Variants in OR51B5 observed in about 807,000 individuals in gnomAD.
The protein encoded by OR51B5 is olfactory receptor 51B5.
For synonymous variants in OR51B5, 186 were observed against 144.8 expected (o/e 1.28, Z -2.04); for missense variants, 456 against 374.6 (o/e 1.22, Z -1.79).
chr11:5,368,631 T>C lies in OR51B5; in HGVS notation n.85-21721A>G, dbSNP rs576071138. Among the ~76,000 whole-genome samples, 4 of 151,382 alleles carry C rather than the reference T, an allele frequency of 2.6e-5. No homozygotes were observed. In the East Asian group the frequency reaches 7.7e-4, roughly 29 times the overall value. On this transcript the variant is annotated intron_variant and non_coding_transcript_variant, in intron 1 of 4. Coordinates refer to the OR51B5 transcript ENST00000415970. Reference sequence around the variant, plus strand: ...ACAAGATATTCTAACATAAAGACTTTGTGTTTTATTCTCACATGCATCCTG... The same window carrying C: ...ACAAGATATTCTAACATAAAGACTTCGTGTTTTATTCTCACATGCATCCTG...
intron 1 of OR51B5, among the ~76,000 whole-genome samples, chr11:5,369,338 T>G (rs1849417651): frequency 6.6e-6 from 1 of 152,196 alleles, no homozygotes; most frequent in African/African-American, 2.4e-5. Flanking sequence ...TATTACTAGT[T>G]AGTGGAATAC....
intron 1 of OR51B5, chr11:5,351,801 G>T: frequency 6.2e-7 from 1 of 1,614,066 alleles, no homozygotes; most frequent in Non-Finnish European, 8.5e-7. Flanking sequence ...GCTTCTCTCA[G>T]GCCTATTTTA....
chr11:5,502,906 G>C (rs116155348), intron 1 of OR51B5, among the ~76,000 whole-genome samples: 1 of 152,008 alleles, frequency 6.6e-6, no homozygotes, highest in South Asian at 2.1e-4. Context: ...AATCTTGTTC[G>C]CCATTGTATT....
At chr11:5,370,360 T>C (rs1176863103) in intron 1 of OR51B5, among the ~76,000 whole-genome samples, 2 of 152,206 alleles carry the variant, frequency 1.3e-5, no homozygotes, top group Non-Finnish European at 2.9e-5. Flanking sequence ...ATGTATATCA[T>C]CTGCAAAGAC....
intron 1 of OR51B5, among the ~76,000 whole-genome samples, chr11:5,435,436 A>C (rs1342392343): frequency 6.6e-6 from 1 of 152,194 alleles, no homozygotes; most frequent in Non-Finnish European, 1.5e-5. Flanking sequence ...GTACTTGTGT[A>C]ATTATCTAAT....
intron 1 of OR51B5, among the ~76,000 whole-genome samples, chr11:5,425,110 A>C (rs1341867419): frequency 6.6e-6 from 1 of 151,962 alleles, no homozygotes; most frequent in African/African-American, 2.4e-5. Context: ...TTTTAATAGA[A>C]ACATGGGTCT....
chr11:5,489,080 G>C, intron 1 of OR51B5: 3 of 1,614,002 alleles, frequency 1.9e-6, no homozygotes, highest in Non-Finnish European at 2.5e-6. Flanking sequence ...GCCTTTGATA[G>C]GTATGTGGCT....
intron 1 of OR51B5, among the ~76,000 whole-genome samples, chr11:5,405,608 G>T (rs1850046992): frequency 6.6e-6 from 1 of 151,808 alleles, no homozygotes; most frequent in African/African-American, 2.4e-5. Context: ...CTTTTAAATT[G>T]GCCTTATAAT....
rs868329765 is a variant in OR51B5 at position 5,415,994 on chromosome 11, T to C, written n.85-69084A>G. On this transcript the variant is annotated intron_variant and non_coding_transcript_variant, in intron 1 of 4. Coordinates refer to the OR51B5 transcript ENST00000415970. ...ACCAAAAAAGAGAATTTTAGACCAA[T>C]ATCCTTGATGAACATTGATGCAAAA... 6.3e-3 allele frequency among the ~76,000 whole-genome samples: 546 copies of C among 86,060 alleles called. 4 individuals carry two copies. The highest frequency in any genetic ancestry group is 0.017 in the African/African-American group (513 of 29,800). 56.5% of individuals were successfully genotyped at this position (86,060 alleles called of 152,430 possible).
chr11:5,393,253 A>T (rs1849823441), intron 1 of OR51B5: 1 of 152,238 alleles, frequency 6.6e-6, no homozygotes, highest in Non-Finnish European at 1.5e-5. Context: ...GTTATTGTTC[A>T]TAATTTTAAG....
chr11:5,479,588 C>T (rs1265989849), intron 1 of OR51B5, among the ~76,000 whole-genome samples: 1 of 151,796 alleles, frequency 6.6e-6, no homozygotes, highest in Non-Finnish European at 1.5e-5. Flanking sequence ...AGAGTCAAGA[C>T]CCATCAGTGT....
At position 5,366,690 on chromosome 11, in the gene OR51B5, AAGG is replaced by A. The variant is rs546459209; in HGVS notation, n.85-19783_85-19781del. On this transcript the variant is annotated intron_variant and non_coding_transcript_variant, in intron 1 of 4. Coordinates refer to the OR51B5 transcript ENST00000415970. ...GGAAGAGAAGAAGAAGAAGAAGGAGAAGGAGAAGAAAAAGTAGAGGAGGAGGAA... is the reference window on the plus strand; with the variant it reads ...GGAAGAGAAGAAGAAGAAGAAGGAGAAGAAGAAAAAGTAGAGGAGGAGGAA... 6.1e-4 allele frequency among the ~76,000 whole-genome samples: 92 copies of A among 151,476 alleles called. 1 individual carries two copies. In the South Asian group the frequency reaches 0.018, roughly 30 times the overall value.
intron 1 of OR51B5, among the ~76,000 whole-genome samples, chr11:5,470,654 T>C (rs893729248): frequency 1.3e-5 from 2 of 152,224 alleles, no homozygotes; most frequent in African/African-American, 4.8e-5. Context: ...TCTTCAAAGT[T>C]ATCATCTCAT....
chr11:5,440,964 G>T lies in OR51B5; in HGVS notation n.84+64605C>A. Reference sequence around the variant, plus strand: ...TCCACATGCTACTTTCATGAGATCTGGATGGAGACAGTAGGAGTGATGCAA... The same window carrying T: ...TCCACATGCTACTTTCATGAGATCTTGATGGAGACAGTAGGAGTGATGCAA... On this transcript the variant is annotated intron_variant and non_coding_transcript_variant, in intron 1 of 4. Transcript: ENST00000415970. 7 of 1,613,954 alleles carry T rather than the reference G, an allele frequency of 4.3e-6. No individual in the cohort carries two copies. In the African/African-American group the frequency reaches 5.3e-5, roughly 12 times the overall value.
chr11:5,452,640 T>C (rs1850874739), intron 1 of OR51B5, among the ~76,000 whole-genome samples: 1 of 151,066 alleles, frequency 6.6e-6, no homozygotes, highest in African/African-American at 2.4e-5. Context: ...CTTCTTAGAC[T>C]ATGAATGAGC....
intron 1 of OR51B5, chr11:5,351,890 T>G: frequency 1.2e-6 from 2 of 1,613,126 alleles, no homozygotes; most frequent in Non-Finnish European, 1.7e-6. Flanking sequence ...CGCAGCCCCT[T>G]AAGATATACC....
chr11:5,468,147 G>T (rs545604673), intron 1 of OR51B5, among the ~76,000 whole-genome samples: 2 of 152,130 alleles, frequency 1.3e-5, no homozygotes, highest in Non-Finnish European at 2.9e-5. Context: ...ATTATATAAC[G>T]AATGTATGCA....
chr11:5,399,558 T>A lies in OR51B5; in HGVS notation n.85-52648A>T, dbSNP rs1017497927. Among the ~76,000 whole-genome samples the A allele has an allele frequency of 2.0e-5, 3 of 152,308 alleles. No homozygotes were observed. The East Asian group carries it at 5.8e-4, about 29-fold the overall frequency. On this transcript the variant is annotated intron_variant and non_coding_transcript_variant, in intron 1 of 4. Transcript: ENST00000415970. ...AGCTCCAGGGGTACAGTCATCACTG[T>A]CCCACATTCTACTTTTTTTCTGATT...
chr11:5,375,092 G>T lies in OR51B5; in HGVS notation n.85-28182C>A, dbSNP rs190875281. On this transcript the variant is annotated intron_variant and non_coding_transcript_variant, in intron 1 of 4. Coordinates refer to the OR51B5 transcript ENST00000415970. The stretch of plus-strand genomic sequence containing the variant: ...TAAGGGCAGCCAGAGAGAAAGGTCG[G>T]GTTACCCACAAAGGGAAGCCCATCA... Among the ~76,000 whole-genome samples, 231 of 150,334 alleles carry T rather than the reference G, an allele frequency of 1.5e-3. 1 individual carries two copies. The highest frequency in any genetic ancestry group is 4.7e-3 in the African/African-American group (191 of 40,944).
Sources: gnomAD v4.1 joint callset for allele counts (sites outside exome capture counted in the v4.1 genomes callset) on GRCh38, gnomAD v4.1.1 for gene constraint, MANE v1.5 for transcripts, NCBI Gene and HGNC (gene_info 2026-07-23, HGNC 2026-07-21) for gene names.